NYAP2: variants seen among roughly 807,000 people sequenced by gnomAD.
The protein encoded by NYAP2 is neuronal tyrosine-phosphorylated phosphoinositide-3-kinase adapter 2.
Under a neutral mutation model 50.4 loss-of-function variants are expected in NYAP2, and 23 were observed. The observed-to-expected ratio is 0.46, with a 90% CI of 0.33 to 0.65. The LOEUF (loss-of-function observed/expected upper bound fraction) is 0.65, where lower values mean the gene tolerates loss of function less well. Among genes scored for constraint, NYAP2 ranks in the 30% least tolerant of loss-of-function variants. The probability of loss-of-function intolerance (pLI) is 0.02; values close to 1 mark genes in which losing one functional copy is unlikely to be tolerated. For missense variants in NYAP2, 885 were observed against 861.0 expected (o/e 1.03, Z -0.35); for synonymous variants, 394 against 365.2 (o/e 1.08, Z -0.90).
At chr2:225,470,248 C>T (rs915947830) in intron 3 of NYAP2, among the ~76,000 whole-genome samples, 1 of 152,056 alleles carries the variant, frequency 6.6e-6, no homozygotes, top group African/African-American at 2.4e-5. Context: ...AAGCCTCTTC[C>T]CTTGAAACAA....
chr2:225,702,191 C>T, the NYAP2 span: 1 of 151,480 alleles, frequency 6.6e-6, no homozygotes, highest in African/African-American at 2.4e-5. Flanking sequence ...TCATTGTGTC[C>T]CAAACTTAAG....
At chr2:225,460,992 C>CAAAAAAAAAAAAAA (rs869283101) in intron 3 of NYAP2, among the ~76,000 whole-genome samples, 1 of 43,066 alleles carries the variant, frequency 2.3e-5, no homozygotes, top group African/African-American at 6.0e-5. Context: ...GACTCTGTCT[C>CAAAAAAAAAAAAAA]AAAAAAAAAA....
At chr2:225,475,450 T>A (rs1265093922) in intron 3 of NYAP2, among the ~76,000 whole-genome samples, 1 of 152,214 alleles carries the variant, frequency 6.6e-6, no homozygotes. Flanking sequence ...GGAAAATAAG[T>A]GAAATTCAGT....
intron 4 of NYAP2, among the ~76,000 whole-genome samples, chr2:225,574,958 T>A (rs766344054): frequency 2.0e-5 from 3 of 152,192 alleles, no homozygotes; most frequent in African/African-American, 7.2e-5. Context: ...AAAGTCTTCA[T>A]GGCAAACACT....
chr2:225,511,369 C>CAGAGAG (rs1350310423), intron 3 of NYAP2, among the ~76,000 whole-genome samples: 1 of 134,544 alleles, frequency 7.4e-6, no homozygotes, highest in African/African-American at 2.9e-5. Flanking sequence ...CACACACACA[C>CAGAGAG]ACACAGAGAG....
At chr2:225,598,001 C>G (rs1559225878) in intron 5 of NYAP2, among the ~76,000 whole-genome samples, 1 of 152,062 alleles carries the variant, frequency 6.6e-6, no homozygotes, top group Admixed American at 6.6e-5. Flanking sequence ...TTAAGTGAAT[C>G]ATTCTACGAC....
chr2:225,570,786 CT>C (rs984725227), intron 4 of NYAP2, among the ~76,000 whole-genome samples: 3 of 152,174 alleles, frequency 2.0e-5, no homozygotes, highest in African/African-American at 7.2e-5. Flanking sequence ...ATAATCATGC[CT>C]TCCCAACAGT....
chr2:225,606,242 G>C (rs1231534390), intron 5 of NYAP2, among the ~76,000 whole-genome samples: 1 of 152,088 alleles, frequency 6.6e-6, no homozygotes, highest in African/African-American at 2.4e-5. Context: ...TGTTGTGGCT[G>C]TGCGGTGCTA....
intron 4 of NYAP2, among the ~76,000 whole-genome samples, chr2:225,523,228 C>T (rs1691097440): frequency 6.6e-6 from 1 of 150,768 alleles, no homozygotes; most frequent in Non-Finnish European, 1.5e-5. Flanking sequence ...CAAGAGCAGT[C>T]AGGTAAGAAA....
At chr2:225,470,427 G>A (rs1259138810) in intron 3 of NYAP2, among the ~76,000 whole-genome samples, 1 of 152,048 alleles carries the variant, frequency 6.6e-6, no homozygotes, top group East Asian at 1.9e-4. Flanking sequence ...CCAAATTTAG[G>A]GGCATATATG....
At chr2:225,577,824 A>G (rs1051810748) in intron 4 of NYAP2, among the ~76,000 whole-genome samples, 1 of 150,170 alleles carries the variant, frequency 6.7e-6, no homozygotes, top group African/African-American at 2.5e-5. Context: ...TTTTTTTTAA[A>G]AAAAGAAGCC....
the NYAP2 span, among the ~76,000 whole-genome samples, chr2:225,680,415 G>C: frequency 1.3e-5 from 2 of 152,144 alleles, no homozygotes; most frequent in African/African-American, 2.4e-5. Context: ...TGAATGCCAA[G>C]TATGGCACTG....
chr2:225,565,274 A>G lies in NYAP2; in HGVS notation c.524-16667A>G, dbSNP rs189958750. Reference sequence around the variant, plus strand: ...AAGGGAAATCATTTTTAAAAAACTGATAAGAAAACTAAGATTATCAATACT... The same window carrying G: ...AAGGGAAATCATTTTTAAAAAACTGGTAAGAAAACTAAGATTATCAATACT... On this transcript the variant is annotated intron_variant, in intron 4 of 6. Coordinates refer to ENST00000636099, the Ensembl canonical transcript of NYAP2. Among the ~76,000 whole-genome samples, 11 of 152,338 alleles carry G rather than the reference A, an allele frequency of 7.2e-5. No individual in the cohort carries two copies. The East Asian group carries it at 1.9e-3, about 27-fold the overall frequency.
intron 6 of NYAP2, among the ~76,000 whole-genome samples, chr2:225,641,850 A>G (rs953648870): frequency 3.3e-5 from 5 of 152,014 alleles, no homozygotes; most frequent in Non-Finnish European, 7.4e-5. Flanking sequence ...AGTCAATGTA[A>G]TTTAGATTTT....
Position 225,489,256 on chromosome 2 carries a change from C to A in NYAP2, c.222-24115C>A, listed in dbSNP as rs796968753. On this transcript the variant is annotated intron_variant, in intron 3 of 6. Transcript: ENST00000636099. ...CCCAGGCTGGAGTGCAGTGATGATGCCATCTTGGCTCACTGCAATCTTCAC... is the reference window on the plus strand; with the variant it reads ...CCCAGGCTGGAGTGCAGTGATGATGACATCTTGGCTCACTGCAATCTTCAC... Among the ~76,000 whole-genome samples, 3 of 151,590 alleles carry A rather than the reference C, an allele frequency of 2.0e-5. No individual in the cohort carries two copies. The South Asian group carries it at 6.3e-4, about 32-fold the overall frequency.
At chr2:225,506,532 A>G (rs1690710138) in intron 3 of NYAP2, among the ~76,000 whole-genome samples, 1 of 152,190 alleles carries the variant, frequency 6.6e-6, no homozygotes, top group Admixed American at 6.5e-5. Flanking sequence ...GCTGGTCCTG[A>G]TACCTAGAAA....
chr2:225,433,839 A>AAGAATTAT (rs1689319732), intron 3 of NYAP2, among the ~76,000 whole-genome samples: 1 of 151,070 alleles, frequency 6.6e-6, no homozygotes, highest in Admixed American at 6.6e-5. Context: ...AAAAAAAAAA[A>AAGAATTAT]AGAATTATTA....
intron 4 of NYAP2, among the ~76,000 whole-genome samples, chr2:225,534,340 C>T (rs1269339247): frequency 6.6e-6 from 1 of 152,204 alleles, no homozygotes; most frequent in African/African-American, 2.4e-5. Flanking sequence ...AGGCATTCTT[C>T]AGAGAGACAG....
chr2:225,442,636 C>A (rs1329221030), intron 3 of NYAP2, among the ~76,000 whole-genome samples: 1 of 152,068 alleles, frequency 6.6e-6, no homozygotes, highest in Admixed American at 6.5e-5. Context: ...AGTGCAGTGG[C>A]ACCATCTCGG....
Sources: gnomAD v4.1 joint callset for allele counts (sites outside exome capture counted in the v4.1 genomes callset) on GRCh38, gnomAD v4.1.1 for gene constraint, MANE v1.5 for transcripts, NCBI Gene and HGNC (gene_info 2026-07-23, HGNC 2026-07-21) for gene names.